The following PRKDC variants were observed in gnomAD, a reference collection of about 807,000 sequenced individuals.
The protein encoded by PRKDC is protein kinase, DNA-activated, catalytic subunit, also known as DNA-dependent protein kinase catalytic subunit.
PRKDC carries 82 observed loss-of-function variants against 486.9 expected under a neutral mutation model. The observed-to-expected ratio is 0.17, with a 90% CI of 0.14 to 0.20. The LOEUF (loss-of-function observed/expected upper bound fraction) is 0.20, where lower values mean the gene tolerates loss of function less well. Among genes scored for constraint, PRKDC ranks in the 10% least tolerant of loss-of-function variants. The probability of loss-of-function intolerance (pLI) is 1.00; values close to 1 mark genes in which losing one functional copy is unlikely to be tolerated. For synonymous variants in PRKDC, 1,895 were observed against 1,837.0 expected (o/e 1.03, Z -0.81); for missense variants, 4,504 against 5,038.2 (o/e 0.89, Z 3.21).
At chr8:47,832,917 G>C (rs565870009) in intron 59 of PRKDC, among the ~76,000 whole-genome samples, 2 of 152,212 alleles carry the variant, frequency 1.3e-5, no homozygotes, top group South Asian at 4.1e-4. Flanking sequence ...AAAGACCCAC[G>C]TTCTCACAAA....
chr8:47,842,397 C>T (rs1186226594), intron 54 of PRKDC, among the ~76,000 whole-genome samples: 2 of 152,154 alleles, frequency 1.3e-5, no homozygotes, highest in East Asian at 1.9e-4. Flanking sequence ...TTCTAGTATC[C>T]ATCACCTGTG....
At position 47,910,062 on chromosome 8, in the gene PRKDC, G is replaced by A. The variant is rs72647916; in HGVS notation, c.2934+2348C>T. 1.2e-4 allele frequency among the ~76,000 whole-genome samples: 19 copies of A among 152,096 alleles called. No individual in the cohort carries two copies. The South Asian group carries it at 1.9e-3, about 15-fold the overall frequency. Reference sequence around the variant, plus strand: ...CCTAATAAAAATCTGCTGGTTTTGCGGCTCGGGGTTGTCATCACGGTCCCG... The same window carrying A: ...CCTAATAAAAATCTGCTGGTTTTGCAGCTCGGGGTTGTCATCACGGTCCCG... On this transcript the variant is annotated intron_variant, in intron 25 of 85. Coordinates refer to ENST00000314191, the MANE Select transcript of PRKDC (RefSeq NM_006904.7).
intron 40 of PRKDC, among the ~76,000 whole-genome samples, chr8:47,872,233 A>T (rs1392756379): frequency 1.3e-5 from 2 of 152,158 alleles, no homozygotes; most frequent in East Asian, 3.9e-4. Context: ...AAAATGAGTT[A>T]TATCATTTGC....
Position 47,912,520 on chromosome 8 carries a change from A to T in PRKDC, c.2824T>A (p.Leu942Met), listed in dbSNP as rs1472804880. Residue 942 changes from leucine to methionine, a missense_variant, in exon 25 of 86, where the codon TTG becomes ATG. Coordinates refer to ENST00000314191, the MANE Select transcript of PRKDC (RefSeq NM_006904.7). ...ELLHSMVMFMLGKATQMPEGG... is the reference protein window; with the variant it reads ...ELLHSMVMFMMGKATQMPEGG... ...TCTGGCATCTGCGTGGCTTTGCCCAACATAAACATAACCATGCTATGTAAA... is the reference window on the plus strand; with the variant it reads ...TCTGGCATCTGCGTGGCTTTGCCCATCATAAACATAACCATGCTATGTAAA... 3.1e-6 allele frequency: 5 copies of T among 1,612,652 alleles called. No individual in the cohort carries two copies.
At chr8:47,928,709 A>G (rs1017160796) in intron 19 of PRKDC, among the ~76,000 whole-genome samples, 4 of 151,518 alleles carry the variant, frequency 2.6e-5, no homozygotes, top group African/African-American at 9.7e-5. Flanking sequence ...TTTGAGACAG[A>G]GTCTCGCTGT....
chr8:47,883,490 C>T (rs528472096), intron 36 of PRKDC, among the ~76,000 whole-genome samples: 2 of 152,182 alleles, frequency 1.3e-5, no homozygotes, highest in Non-Finnish European at 2.9e-5. Context: ...GGAGCTGTGT[C>T]CTCAGCAAAT....
intron 57 of PRKDC, among the ~76,000 whole-genome samples, chr8:47,836,916 A>G (rs1218259782): frequency 6.6e-6 from 1 of 152,214 alleles, no homozygotes; most frequent in Non-Finnish European, 1.5e-5. Context: ...CAACCTGCCC[A>G]TCATCCCACT....
intron 73 of PRKDC, among the ~76,000 whole-genome samples, chr8:47,797,462 C>T (rs1372783660): frequency 6.6e-6 from 1 of 152,118 alleles, no homozygotes; most frequent in African/African-American, 2.4e-5. Flanking sequence ...AAAAGTCAAA[C>T]TGGGTCCCCG....
chr8:47,784,496 T>G (rs1480044374), intron 77 of PRKDC, among the ~76,000 whole-genome samples: 3 of 152,176 alleles, frequency 2.0e-5, no homozygotes, highest in African/African-American at 7.2e-5. Flanking sequence ...CCAAATATGT[T>G]TTTTCTTATA....
At chr8:47,775,551 T>G (rs989003982) in intron 85 of PRKDC, among the ~76,000 whole-genome samples, 1 of 151,230 alleles carries the variant, frequency 6.6e-6, no homozygotes, top group African/African-American at 2.4e-5. Context: ...CCATTTTTAA[T>G]TGGGTTATCT....
chr8:47,904,974 C>A lies in PRKDC; in HGVS notation c.2937G>T (p.Val979=). 6.2e-7 allele frequency: 1 copy of A among 1,604,942 alleles called. No individual in the cohort carries two copies. Among genetic ancestry groups the A allele is most frequent in the East Asian group, 2.2e-5 (1 of 44,788 alleles). ...CTAGTGGCTCATACAGTTGCCTTGT[C>A]ACCTGAAGAAACAATACCATTAAAG... ...LLRLACDVDQ[V]TRQLYEPLVM... The change falls in exon 26 of 86, where the codon GTG becomes GTT. Residue 979 remains valine (V), a splice_region_variant and synonymous_variant. Coordinates refer to ENST00000314191, the MANE Select transcript of PRKDC (RefSeq NM_006904.7).
At chr8:47,953,598 A>G in intron 7 of PRKDC, 22 bp downstream of exon 7, 3 of 1,592,488 alleles carry the variant, frequency 1.9e-6, no homozygotes, top group Non-Finnish European at 2.6e-6. Flanking sequence ...AATAAAGAAA[A>G]TCAAGTGAAG....
In PRKDC at chr8:47,854,114, A is replaced by T. The variant is rs369987445; in HGVS notation, c.6862T>A (p.Tyr2288Asn). 1.9e-6 allele frequency: 3 copies of T among 1,613,870 alleles called. No individual in the cohort carries two copies. In the African/African-American group the frequency reaches 4.0e-5, roughly 22 times the overall value. The change falls in exon 51 of 86, where the codon TAT (tyrosine) becomes AAT (asparagine). Residue 2288 changes from tyrosine to asparagine, a missense_variant. Physicochemically the swap from Tyr to Asn is moderately radical, Grantham distance 143. Transcript: ENST00000314191. ...CTCTGGATGCCACACTGTGGGTCAT[A>T]GGGAGGCAGGTCATTGGCCATCACG... ...GIVMANDLPP[Y>N]DPQCGIQSSE...
In PRKDC at chr8:47,839,469, C is replaced by CA. The variant is rs556686083; in HGVS notation, c.7455-224dup. Among the ~76,000 whole-genome samples the CA allele has an allele frequency of 2.0e-4, 31 of 152,288 alleles. No individual in the cohort carries two copies. In the East Asian group the frequency reaches 5.8e-3, roughly 29 times the overall value. On this transcript the variant is annotated intron_variant, in intron 55 of 85. Coordinates refer to ENST00000314191, the MANE Select transcript of PRKDC (RefSeq NM_006904.7). Reference sequence around the variant, plus strand: ...TGAGTGGAACAGGAGGATGGGCCCACAGGAGGCCCAGCGGTCCTGTGACGC... The same window carrying CA: ...TGAGTGGAACAGGAGGATGGGCCCACAAGGAGGCCCAGCGGTCCTGTGACGC...
intron 40 of PRKDC, among the ~76,000 whole-genome samples, chr8:47,877,300 G>A (rs2089110713): frequency 6.6e-6 from 1 of 152,208 alleles, no homozygotes; most frequent in East Asian, 1.9e-4. Flanking sequence ...TGAGACTACT[G>A]AGGAAATCTG....
At chr8:47,929,315 T>G in intron 18 of PRKDC, 137 bp from the exon 19 acceptor site, 1 of 669,718 alleles carries the variant, frequency 1.5e-6, no homozygotes, top group Non-Finnish European at 2.6e-6. Flanking sequence ...GGAGGCAGAA[T>G]CAGCTCTGCA....
chr8:47,931,129 T>C (rs182626020), intron 16 of PRKDC, among the ~76,000 whole-genome samples: 102 of 152,160 alleles, frequency 6.7e-4, no homozygotes, highest in African/African-American at 2.4e-3. Flanking sequence ...AAAAGAGAAA[T>C]AGAGAAATTA....
intron 52 of PRKDC, among the ~76,000 whole-genome samples, chr8:47,849,720 C>T (rs537478044): frequency 7.2e-5 from 11 of 152,190 alleles, no homozygotes; most frequent in Non-Finnish European, 1.6e-4. Flanking sequence ...TCCTACACCT[C>T]GGTGAGCCAG....
intron 31 of PRKDC, among the ~76,000 whole-genome samples, chr8:47,892,090 G>A (rs779473996): frequency 2.0e-5 from 3 of 151,980 alleles, no homozygotes; most frequent in Non-Finnish European, 4.4e-5. Context: ...GACTGGTTTC[G>A]AACTCCTCAC....
Sources: allele counts gnomAD v4.1 joint callset (sites outside exome capture counted in the v4.1 genomes callset), GRCh38; gene constraint gnomAD v4.1.1; transcripts MANE v1.5; gene names NCBI Gene and HGNC (gene_info 2026-07-23, HGNC 2026-07-21).